The following SLC30A8 variants were observed in gnomAD, a reference collection of about 807,000 sequenced individuals.
SLC30A8 encodes proton-coupled zinc antiporter SLC30A8.
Under a neutral mutation model 36.9 loss-of-function variants are expected in SLC30A8, and 27 were observed. That is an observed-to-expected ratio of 0.73 (90% CI 0.54 to 1.01). The LOEUF (loss-of-function observed/expected upper bound fraction) is 1.01. Ranked by LOEUF, SLC30A8 falls within the 50% of genes least tolerant of loss-of-function variation. The pLI is 0.00. For missense variants in SLC30A8, 439 were observed against 452.0 expected (o/e 0.97, Z 0.26); for synonymous variants, 164 against 172.4 (o/e 0.95, Z 0.38).
At chr8:117,169,922 G>A (rs1205844199) in intron 6 of SLC30A8, among the ~76,000 whole-genome samples, 2 of 152,070 alleles carry the variant, frequency 1.3e-5, no homozygotes, top group Admixed American at 6.6e-5. Context: ...CACTGGCAAG[G>A]ATAAATATGC....
At chr8:117,020,567 A>G (rs2130722047) in intron 1 of SLC30A8, among the ~76,000 whole-genome samples, 1 of 152,360 alleles carries the variant, frequency 6.6e-6, no homozygotes, top group South Asian at 2.1e-4. Context: ...TTAAGTATAT[A>G]TGCAGAAGAA....
chr8:117,081,880 T>G (rs1282553025), intron 2 of SLC30A8, among the ~76,000 whole-genome samples: 1 of 152,232 alleles, frequency 6.6e-6, no homozygotes, highest in African/African-American at 2.4e-5. Flanking sequence ...AACAATGGGT[T>G]GTTCTGTCAC....
intron 1 of SLC30A8, among the ~76,000 whole-genome samples, chr8:116,952,334 A>G (rs1401520602): frequency 6.6e-6 from 1 of 152,246 alleles, no homozygotes; most frequent in Non-Finnish European, 1.5e-5. Context: ...AACTTTTATT[A>G]TAGCAATACT....
intron 1 of SLC30A8, among the ~76,000 whole-genome samples, chr8:116,973,403 CAGAG>C (rs946249897): frequency 6.6e-6 from 1 of 152,116 alleles, no homozygotes; most frequent in Non-Finnish European, 1.5e-5. Flanking sequence ...AACAGACAAA[CAGAG>C]AGCCAAATCA....
chr8:117,006,955 G>A (rs894342953), intron 1 of SLC30A8: 10 of 38,122 alleles, frequency 2.6e-4, no homozygotes, highest in Admixed American at 9.5e-4. Context: ...GCTAATTCTT[G>A]TTTTTTTTTT....
intron 1 of SLC30A8, among the ~76,000 whole-genome samples, chr8:116,996,585 T>C (rs993569402): frequency 6.6e-6 from 1 of 152,066 alleles, no homozygotes; most frequent in African/African-American, 2.4e-5. Context: ...GTCTTTCTCT[T>C]TCTCTCTCTC....
chr8:117,055,751 C>T (rs765348701), intron 2 of SLC30A8: 18 of 152,186 alleles, frequency 1.2e-4, no homozygotes, highest in African/African-American at 3.1e-4. Context: ...AGAATTTACA[C>T]GTGTATGTCC....
intron 2 of SLC30A8, among the ~76,000 whole-genome samples, chr8:117,039,504 C>T (rs951401737): frequency 6.6e-6 from 1 of 152,190 alleles, no homozygotes; most frequent in African/African-American, 2.4e-5. Context: ...CCATTCTACT[C>T]ATGAATCCTT....
intron 2 of SLC30A8, among the ~76,000 whole-genome samples, chr8:117,082,715 A>T (rs1398557920): frequency 2.0e-5 from 3 of 152,178 alleles, no homozygotes; most frequent in African/African-American, 7.2e-5. Context: ...TTTGGGAGAA[A>T]CGATAATGTA....
intron 1 of SLC30A8, among the ~76,000 whole-genome samples, chr8:117,006,211 C>G (rs1425194547): frequency 1.3e-5 from 2 of 152,148 alleles, no homozygotes; most frequent in African/African-American, 2.4e-5. Context: ...AAAACCTGAG[C>G]AAATGTGGCT....
At chr8:117,161,981 CCT>C in intron 5 of SLC30A8, 93 bp downstream of exon 5, 1 of 1,093,944 alleles carries the variant, frequency 9.1e-7, no homozygotes, top group Non-Finnish European at 1.3e-6. Context: ...GAATGGGCAT[CCT>C]CTGTTTACCT....
chr8:116,996,799 TG>T (rs1278250942), intron 1 of SLC30A8, among the ~76,000 whole-genome samples: 4 of 152,306 alleles, frequency 2.6e-5, no homozygotes, highest in Non-Finnish European at 5.9e-5. Context: ...CATGTATATA[TG>T]GCTCCTACTC....
At chr8:117,158,236 G>T (rs13281296) in intron 4 of SLC30A8, among the ~76,000 whole-genome samples, 37,190 of 152,054 alleles carry the variant, frequency 0.24, 4,960 homozygotes, top group African/African-American at 0.34. Context: ...GAATTGAGCT[G>T]CTTTACATTC....
At chr8:117,074,511 C>T (rs2130803428) in intron 2 of SLC30A8, among the ~76,000 whole-genome samples, 1 of 152,186 alleles carries the variant, frequency 6.6e-6, no homozygotes, top group Admixed American at 6.5e-5. Flanking sequence ...TGTATAGAAT[C>T]GTTATTTCAG....
intron 2 of SLC30A8, among the ~76,000 whole-genome samples, chr8:117,112,155 C>T (rs1417286212): frequency 6.6e-6 from 1 of 152,122 alleles, no homozygotes; most frequent in East Asian, 1.9e-4. Flanking sequence ...GAAGATATCA[C>T]CTCATGGGTT....
At chr8:117,161,235 T>C (rs1329954574) in intron 4 of SLC30A8, among the ~76,000 whole-genome samples, 1 of 152,258 alleles carries the variant, frequency 6.6e-6, no homozygotes, top group African/African-American at 2.4e-5. Context: ...TTTAAAATTC[T>C]TTTGAAAATG....
chr8:116,976,565 T>C (rs1177898015), intron 1 of SLC30A8, among the ~76,000 whole-genome samples: 1 of 152,158 alleles, frequency 6.6e-6, no homozygotes, highest in Non-Finnish European at 1.5e-5. Context: ...ATCTGTTGCC[T>C]AGAAGGGCAT....
At chr8:116,982,169 G>T (rs1815290517) in intron 1 of SLC30A8, among the ~76,000 whole-genome samples, 1 of 151,924 alleles carries the variant, frequency 6.6e-6, no homozygotes, top group South Asian at 2.1e-4. Context: ...CTAATGGTTA[G>T]TGATGTTGGC....
At chr8:117,098,556 C>A (rs112054773) in intron 2 of SLC30A8, among the ~76,000 whole-genome samples, 1 of 152,116 alleles carries the variant, frequency 6.6e-6, no homozygotes, top group African/African-American at 2.4e-5. Context: ...ATATTGGAAA[C>A]AGGCACTAAG....
Sources: allele counts gnomAD v4.1 joint callset (sites outside exome capture counted in the v4.1 genomes callset), GRCh38; gene constraint gnomAD v4.1.1; transcripts MANE v1.5; gene names NCBI Gene and HGNC (gene_info 2026-07-23, HGNC 2026-07-21).